The following DISP1 variants were observed in gnomAD, a reference collection of about 807,000 sequenced individuals.
DISP1 encodes protein dispatched homolog 1.
Under a neutral mutation model 37.3 loss-of-function variants are expected in DISP1, and 30 were observed. The observed-to-expected ratio is 0.80, with a 90% CI of 0.60 to 1.09. DISP1 has a LOEUF of 1.09. Ranked by LOEUF, DISP1 falls within the 50% of genes least tolerant of loss-of-function variation. DISP1 has a pLI of 0.00. For missense variants in DISP1, 1,598 were observed against 1,879.5 expected (o/e 0.85, Z 2.77); for synonymous variants, 634 against 690.2 (o/e 0.92, Z 1.28).
At chr1:222,891,566 A>G (rs1670943546) in intron 1 of DISP1, among the ~76,000 whole-genome samples, 1 of 152,180 alleles carries the variant, frequency 6.6e-6, no homozygotes, top group Admixed American at 6.5e-5. Context: ...GCCAGAATAA[A>G]AAGCCAACAA....
At chr1:222,852,510 A>G (rs1668324295) in intron 1 of DISP1, among the ~76,000 whole-genome samples, 1 of 152,000 alleles carries the variant, frequency 6.6e-6, no homozygotes, top group Admixed American at 6.6e-5. Flanking sequence ...CCCGGCACCA[A>G]AGTTGTTTTC....
chr1:222,976,588 T>G (rs1288243754), intron 3 of DISP1, among the ~76,000 whole-genome samples: 1 of 152,048 alleles, frequency 6.6e-6, no homozygotes, highest in Non-Finnish European at 1.5e-5. Flanking sequence ...CAGTCTCTAC[T>G]TACTGTCTCA....
At position 223,003,314 on chromosome 1, in the gene DISP1, A is replaced by G. The variant is rs750820056; in HGVS notation, c.1917A>G (p.Thr639=). Reference sequence around the variant, plus strand: ...GATGCTTTGGGGTTTATGCGGGGACAGCTATATTGGTGAATTACGTTTTGA... The same window carrying G: ...GATGCTTTGGGGTTTATGCGGGGACGGCTATATTGGTGAATTACGTTTTGA... ...AIRCFGVYAG[T]AILVNYVLMV... is the part of the protein sequence containing the mutation. The change falls in exon 9 of 9, where the codon ACA becomes ACG. Residue 639 remains threonine, a synonymous_variant. Transcript: ENST00000675850. The surrounding 1 kb of genome is among the most constrained non-coding windows in gnomAD (Gnocchi z 4.3). 2 of 1,614,212 alleles carry G rather than the reference A, an allele frequency of 1.2e-6. No individual in the cohort carries two copies. The highest frequency in any genetic ancestry group is 2.2e-5 in the South Asian group (2 of 91,088).
At chr1:222,972,947 G>T (rs1444063598) in intron 3 of DISP1, among the ~76,000 whole-genome samples, 1 of 152,160 alleles carries the variant, frequency 6.6e-6, no homozygotes, top group East Asian at 1.9e-4. Flanking sequence ...GTTTTAGTAA[G>T]CTACCCAGGT....
At chr1:222,961,001 A>G (rs986372556) in intron 3 of DISP1, among the ~76,000 whole-genome samples, 1 of 152,164 alleles carries the variant, frequency 6.6e-6, no homozygotes, top group African/African-American at 2.4e-5. Flanking sequence ...AAAAAAGCCC[A>G]GGACCACACT....
intron 1 of DISP1, among the ~76,000 whole-genome samples, chr1:222,866,426 C>T (rs1337422788): frequency 6.6e-6 from 1 of 152,050 alleles, no homozygotes; most frequent in Non-Finnish European, 1.5e-5. Context: ...CTCACTGCAA[C>T]CTCTGCCTCC....
chr1:222,935,688 A>C (rs1163053617), intron 2 of DISP1, among the ~76,000 whole-genome samples: 2 of 140,394 alleles, frequency 1.4e-5, no homozygotes, highest in Non-Finnish European at 3.1e-5. Context: ...TTTGTTACGG[A>C]TAGTGAGGCT....
chr1:222,840,068 ATACTT>A (rs1667496077), intron 1 of DISP1, among the ~76,000 whole-genome samples: 1 of 152,224 alleles, frequency 6.6e-6, no homozygotes, highest in Admixed American at 6.5e-5. Flanking sequence ...AAAGAGTTGA[ATACTT>A]TATGTAATTT....
intron 1 of DISP1, among the ~76,000 whole-genome samples, chr1:222,901,384 G>C (rs928138955): frequency 6.6e-6 from 1 of 152,130 alleles, no homozygotes. Context: ...ACTTCTAATA[G>C]ATGACAAAGG....
chr1:222,872,875 A>G (rs149763608), intron 1 of DISP1, among the ~76,000 whole-genome samples: 3,941 of 152,192 alleles, frequency 0.026, 184 homozygotes, highest in African/African-American at 0.088. Context: ...TAGGGTGTCT[A>G]TTTTAGATCT....
intron 1 of DISP1, among the ~76,000 whole-genome samples, chr1:222,903,502 T>G (rs189061812): frequency 6.6e-6 from 1 of 152,198 alleles, no homozygotes; most frequent in East Asian, 1.9e-4. Context: ...TTATAAAAAG[T>G]AAATACTAAA....
chr1:222,942,734 A>G, intron 2 of DISP1, 73 bp from the exon 3 acceptor site: 2 of 1,561,748 alleles, frequency 1.3e-6, no homozygotes, highest in Non-Finnish European at 1.8e-6. Flanking sequence ...CTGTTTTTAA[A>G]TATCATACTT....
chr1:222,845,821 G>A (rs527751870), intron 1 of DISP1, among the ~76,000 whole-genome samples: 1 of 151,934 alleles, frequency 6.6e-6, no homozygotes, highest in Non-Finnish European at 1.5e-5. Context: ...TTTGTTTTGG[G>A]GTGTAATTTT....
rs1251598640 is a variant in DISP1, at chr1:222,903,015, G to A, written c.-158-25415G>A. ...ACACACGCACACGTATGTTTGTTGC[G>A]GCACTATTCACAATAGCAAAGACTT... On this transcript the variant is annotated intron_variant, in intron 1 of 8. Transcript: ENST00000675850. Among the ~76,000 whole-genome samples, 14 of 151,874 alleles carry A rather than the reference G, an allele frequency of 9.2e-5. 1 individual carries two copies. Among genetic ancestry groups the A allele is most frequent in the South Asian group, 2.1e-4 (1 of 4,798 alleles).
chr1:222,845,406 C>T (rs954396574), intron 1 of DISP1, among the ~76,000 whole-genome samples: 3 of 152,114 alleles, frequency 2.0e-5, no homozygotes, highest in Non-Finnish European at 4.4e-5. Flanking sequence ...GATACTGTTG[C>T]TTAAAAGGAC....
chr1:222,960,649 G>GA (rs1675986085), intron 3 of DISP1, among the ~76,000 whole-genome samples: 1 of 150,888 alleles, frequency 6.6e-6, no homozygotes, highest in Admixed American at 6.6e-5. Context: ...ATAGAGACAT[G>GA]AAAAACCCTG....
intron 1 of DISP1, among the ~76,000 whole-genome samples, chr1:222,920,757 A>G (rs561244818): frequency 6.6e-6 from 1 of 152,138 alleles, no homozygotes; most frequent in African/African-American, 2.4e-5. Context: ...TCTTCTCTGA[A>G]ATTTAATGAT....
intron 1 of DISP1, among the ~76,000 whole-genome samples, chr1:222,918,741 C>G (rs1266075655): frequency 6.6e-6 from 1 of 152,202 alleles, no homozygotes; most frequent in Non-Finnish European, 1.5e-5. Context: ...AAGAATAAAC[C>G]TTGATTTGTT....
chr1:223,002,554 C>A lies in DISP1; in HGVS notation c.1157C>A (p.Ala386Asp). Reference sequence around the variant, plus strand: ...ACCTTGAAGCTGCTTCGGACTTGTGCCAAACACTACCAAAATGGCACTCTG... The same window carrying A: ...ACCTTGAAGCTGCTTCGGACTTGTGACAAACACTACCAAAATGGCACTCTG... The part of the protein sequence containing the change: ...SHTLKLLRTC[A>D]KHYQNGTLGP... Residue 386 changes from alanine to aspartate, a missense_variant, in exon 9 of 9, where the codon GCC becomes GAC. Ala to Asp is a moderately radical substitution (Grantham distance 126). Transcript: ENST00000675850. The A allele has an allele frequency of 6.2e-7, 1 of 1,614,160 alleles. No homozygotes were observed. The highest frequency in any genetic ancestry group is 8.5e-7 in the Non-Finnish European group (1 of 1,180,046).
Sources: gnomAD v4.1 joint callset for allele counts (sites outside exome capture counted in the v4.1 genomes callset) on GRCh38, gnomAD v4.1.1 for gene constraint, Gnocchi (gnomAD v3.1) non-coding constraint, MANE v1.5 for transcripts, NCBI Gene and HGNC (gene_info 2026-07-23, HGNC 2026-07-21) for gene names.